Variants in MED12L observed in about 807,000 individuals in gnomAD.
MED12L encodes mediator of RNA polymerase II transcription subunit 12-like protein.
A neutral mutation model predicts 281.3 loss-of-function variants in MED12L; 60 were observed. That is an observed-to-expected ratio of 0.21 (90% CI 0.17 to 0.26). The LOEUF is 0.26. Among genes scored for constraint, MED12L ranks in the 10% least tolerant of loss-of-function variants. MED12L has a pLI of 1.00. For synonymous variants in MED12L, 974 were observed against 987.2 expected (o/e 0.99, Z 0.25); for missense variants, 2,146 against 2,680.9 (o/e 0.80, Z 4.41).
intron 17 of MED12L, among the ~76,000 whole-genome samples, chr3:151,352,953 A>G (rs1004486522): frequency 2.6e-5 from 4 of 152,230 alleles, no homozygotes; most frequent in African/African-American, 7.2e-5. Context: ...TATATTGACT[A>G]TAATGTTACT....
At chr3:151,258,780 A>G (rs575120536) in intron 16 of MED12L, among the ~76,000 whole-genome samples, 1 of 142,560 alleles carries the variant, frequency 7.0e-6, no homozygotes, top group Admixed American at 7.4e-5. Flanking sequence ...TGAACTTGGG[A>G]GGTGGAGGTT....
chr3:151,212,611 T>A (rs941202765), intron 16 of MED12L: 1 of 152,116 alleles, frequency 6.6e-6, no homozygotes, highest in Non-Finnish European at 1.5e-5. Flanking sequence ...CCAGGCTCAT[T>A]AAATGACGTA....
intron 16 of MED12L, among the ~76,000 whole-genome samples, chr3:151,325,676 G>A (rs918362458): frequency 6.6e-5 from 10 of 152,126 alleles, no homozygotes; most frequent in African/African-American, 2.4e-4. Flanking sequence ...TATTATAATG[G>A]AATGAAATAT....
intron 16 of MED12L, among the ~76,000 whole-genome samples, chr3:151,314,243 CAAT>C (rs1405125410): frequency 1.4e-4 from 21 of 151,968 alleles, no homozygotes; most frequent in African/African-American, 2.7e-4. Flanking sequence ...AATGTTTGGC[CAAT>C]AATAATATTA....
intron 16 of MED12L, among the ~76,000 whole-genome samples, chr3:151,196,820 G>T (rs1004419020): frequency 6.6e-6 from 1 of 152,166 alleles, no homozygotes; most frequent in Non-Finnish European, 1.5e-5. Context: ...ATATTTTTAT[G>T]GAATTGTAGA....
chr3:151,249,395 G>A lies in MED12L; in HGVS notation c.2250+55729G>A, dbSNP rs540601445. The stretch of plus-strand genomic sequence containing the variant: ...TTGGAAAACCAAAAAATATTTGAGA[G>A]TAAAACATCTGCACGTTTCCTTCTT... On this transcript the variant is annotated intron_variant, in intron 16 of 44. Transcript: ENST00000687756. Among the ~76,000 whole-genome samples, 724 of 152,300 alleles carry A rather than the reference G, an allele frequency of 4.8e-3. 8 individuals are homozygous for A. The highest frequency in any genetic ancestry group is 0.024 in the Middle Eastern group (7 of 294).
chr3:151,230,033 G>A (rs954657525), intron 16 of MED12L, among the ~76,000 whole-genome samples: 2 of 151,882 alleles, frequency 1.3e-5, no homozygotes, highest in Non-Finnish European at 2.9e-5. Context: ...GCAGTGGTGC[G>A]ATCTCAGCTC....
chr3:151,329,538 C>T (rs1385001846), intron 16 of MED12L: 7 of 1,541,508 alleles, frequency 4.5e-6, no homozygotes, highest in Non-Finnish European at 5.3e-6. Flanking sequence ...TTAGTTCAGC[C>T]TACAAATGAG....
intron 5 of MED12L, among the ~76,000 whole-genome samples, chr3:151,151,484 G>GT (rs1560097419): frequency 6.6e-6 from 1 of 151,400 alleles, no homozygotes. Flanking sequence ...TTGATTTACA[G>GT]TGAGATGTGC....
intron 5 of MED12L, among the ~76,000 whole-genome samples, chr3:151,147,389 A>G (rs777360013): frequency 3.9e-5 from 6 of 152,242 alleles, no homozygotes; most frequent in Non-Finnish European, 7.3e-5. Context: ...TTGAAATACT[A>G]TATAATTCAT....
chr3:151,392,595 T>C (rs1167814405), intron 38 of MED12L, among the ~76,000 whole-genome samples: 1 of 152,008 alleles, frequency 6.6e-6, no homozygotes, highest in Admixed American at 6.6e-5. Context: ...TACAAGACAG[T>C]ATGTACAGCA....
At chr3:151,425,446 G>C (rs998036963) in intron 43 of MED12L, 2 of 286,756 alleles carry the variant, frequency 7.0e-6, no homozygotes, top group African/African-American at 4.4e-5. Flanking sequence ...TGTCAGCCAG[G>C]CTGGGGTGCA....
chr3:151,111,329 G>A (rs1470780942), intron 2 of MED12L, among the ~76,000 whole-genome samples: 2 of 152,202 alleles, frequency 1.3e-5, no homozygotes, highest in African/African-American at 4.8e-5. Flanking sequence ...ACTACTGTGT[G>A]ACCTTGGTCA....
In MED12L at chr3:151,326,736, C is replaced by T. The variant is rs558625192; in HGVS notation, c.2251-23323C>T. The T allele has an allele frequency of 2.6e-5, 4 of 152,292 alleles. 1 individual carries two copies. Among genetic ancestry groups the T allele is most frequent in the South Asian group, 4.1e-4 (2 of 4,824 alleles). 9.4% of individuals were successfully genotyped at this position (152,292 alleles called of 1,614,324 possible). A position where few individuals can be genotyped will look rare whatever the true frequency, so the allele number is the denominator to read the frequency against. The stretch of plus-strand genomic sequence containing the variant: ...GGGCCTTTGAGGCCATGGAAGAAAA[C>T]GTGGGCTTCACCCTACGATGGTCGT... On this transcript the variant is annotated intron_variant, in intron 16 of 44. Transcript: ENST00000687756.
chr3:151,413,594 G>C (rs551909165), intron 42 of MED12L, among the ~76,000 whole-genome samples: 1 of 152,282 alleles, frequency 6.6e-6, no homozygotes, highest in Admixed American at 6.5e-5. Context: ...AGCTTACCCA[G>C]TCTCTGTTTA....
intron 16 of MED12L, among the ~76,000 whole-genome samples, chr3:151,341,185 A>G (rs1410366465): frequency 1.3e-5 from 2 of 152,250 alleles, no homozygotes; most frequent in East Asian, 3.9e-4. Flanking sequence ...CGTGCTGGCT[A>G]GGGATGTTAA....
chr3:151,220,076 C>G (rs995576525), intron 16 of MED12L, among the ~76,000 whole-genome samples: 2 of 148,218 alleles, frequency 1.3e-5, no homozygotes, highest in African/African-American at 5.0e-5. Context: ...TGGGAGCTGT[C>G]CTATGCATTG....
rs1719852891 is a variant in MED12L at position 151,434,317 on chromosome 3, C to T, written c.*1513C>T. The T allele has an allele frequency of 6.6e-6, 1 of 152,092 alleles. No individual in the cohort carries two copies. The highest frequency in any genetic ancestry group is 2.4e-5 in the African/African-American group (1 of 41,388). The allele number at this position is 152,092 out of a possible 1,614,324, so 9.4% of individuals were successfully genotyped here. Reference sequence around the variant, plus strand: ...TTTATATCTTCCTGGGTGAGTTACTCATTGCAAAGTTTGACTCATGCAAAT... The same window carrying T: ...TTTATATCTTCCTGGGTGAGTTACTTATTGCAAAGTTTGACTCATGCAAAT... On this transcript the variant is annotated 3_prime_UTR_variant, in exon 45 of 45. Transcript: ENST00000687756.
At chr3:151,222,966 G>A (rs534354409) in intron 16 of MED12L, among the ~76,000 whole-genome samples, 3 of 152,120 alleles carry the variant, frequency 2.0e-5, no homozygotes, top group African/African-American at 4.8e-5. Flanking sequence ...ATGTAAATTG[G>A]TATTTTATAC....
Sources: gnomAD v4.1 joint callset for allele counts (sites outside exome capture counted in the v4.1 genomes callset) on GRCh38, gnomAD v4.1.1 for gene constraint, MANE v1.5 for transcripts, NCBI Gene and HGNC (gene_info 2026-07-23, HGNC 2026-07-21) for gene names.